The following DNTT variants were observed in gnomAD, a reference collection of about 807,000 sequenced individuals.
DNTT encodes the protein DNA nucleotidylexotransferase.
Under a neutral mutation model 60.9 loss-of-function variants are expected in DNTT, and 47 were observed. The observed-to-expected ratio is 0.77, with a 90% CI of 0.61 to 0.98. DNTT has a LOEUF of 0.98. Among genes scored for constraint, DNTT ranks in the 50% least tolerant of loss-of-function variants. The pLI is 0.00. For missense variants in DNTT, 665 were observed against 627.5 expected, an observed-to-expected ratio of 1.06 and a Z score of -0.64; for synonymous variants, 224 against 221.2, an observed-to-expected ratio of 1.01 and a Z score of -0.11.
At chr10:96,332,823 A>G (rs1456101458) in intron 9 of DNTT, among the ~76,000 whole-genome samples, 1 of 152,166 alleles carries the variant, frequency 6.6e-6, no homozygotes, top group African/African-American at 2.4e-5. Flanking sequence ...AGCAGCAGCA[A>G]CCTTACCCAG....
At chr10:96,324,488 G>T in intron 6 of DNTT, 99 bp downstream of exon 6, 1 of 1,530,242 alleles carries the variant, frequency 6.5e-7, no homozygotes, top group Non-Finnish European at 8.9e-7. Context: ...GGGAGAGCTG[G>T]GACACTTCTT....
At chr10:96,326,837 T>C (rs899012358) in intron 6 of DNTT, among the ~76,000 whole-genome samples, 12 of 152,176 alleles carry the variant, frequency 7.9e-5, no homozygotes, top group Non-Finnish European at 1.6e-4. Flanking sequence ...TCCTCACCAA[T>C]ACTTCACCCC....
chr10:96,306,732 G>T (rs1844643181), intron 1 of DNTT: 1 of 152,232 alleles, frequency 6.6e-6, no homozygotes, highest in East Asian at 1.9e-4. Flanking sequence ...AAGCTCACTG[G>T]TGCATGGTGA....
At chr10:96,328,355 A>G (rs1350223560) in intron 7 of DNTT, among the ~76,000 whole-genome samples, 7 of 152,234 alleles carry the variant, frequency 4.6e-5, no homozygotes, top group African/African-American at 9.6e-5. Flanking sequence ...ACTCCATGTC[A>G]TAATTCCAAG....
In DNTT at chr10:96,328,768, C is replaced by T. The variant is rs758582691; in HGVS notation, c.1051C>T (p.Pro351Ser). 1 of 1,613,372 alleles carries T rather than the reference C, an allele frequency of 6.2e-7. No individual in the cohort carries two copies. The highest frequency in any genetic ancestry group is 8.5e-7 in the Non-Finnish European group (1 of 1,179,718). The change falls in exon 8 of 11, where the codon CCA becomes TCA. Residue 351 changes from proline (P) to serine (S), a missense_variant. Transcript: ENST00000371174. ...GHDVDFLITS[P>S]GSTEDEEQLL... ...TGATGTAGATTTTTTAATTACCAGC[C>T]CAGGATCAACAGAGGATGAAGAGCA...
At chr10:96,321,489 G>A (rs1317512813) in intron 4 of DNTT, among the ~76,000 whole-genome samples, 7 of 152,046 alleles carry the variant, frequency 4.6e-5, no homozygotes, top group African/African-American at 9.7e-5. Flanking sequence ...GGAATGCTCC[G>A]GAAAGTCATA....
chr10:96,329,969 GCCT>G (rs1844987294), intron 8 of DNTT, among the ~76,000 whole-genome samples: 1 of 152,208 alleles, frequency 6.6e-6, no homozygotes, highest in African/African-American at 2.4e-5. Context: ...GTGGGGAAAT[GCCT>G]CCTCCTAGTC....
intron 10 of DNTT, among the ~76,000 whole-genome samples, chr10:96,336,885 C>T (rs1699711078): frequency 6.8e-6 from 1 of 147,938 alleles, no homozygotes; most frequent in South Asian, 2.1e-4. Flanking sequence ...CTGCAGTGAG[C>T]CGAGATCACA....
At chr10:96,312,329 A>T (rs557812727) in intron 1 of DNTT, among the ~76,000 whole-genome samples, 2 of 152,324 alleles carry the variant, frequency 1.3e-5, no homozygotes, top group South Asian at 4.1e-4. Context: ...CGTCCTTTGC[A>T]TCTGAGAGTG....
chr10:96,338,399 G>T lies in DNTT; in HGVS notation c.*175G>T. The T allele has an allele frequency of 1.8e-6, 1 of 546,436 alleles. No individual in the cohort carries two copies. The allele number at this position is 546,436 out of a possible 1,614,324, so 33.8% of individuals were successfully genotyped here. On this transcript the variant is annotated 3_prime_UTR_variant, in exon 11 of 11. Transcript: ENST00000371174. ...GGAAGGTGCCACTGGTAATGGGTAA[G>T]GTTCTAATAGGCCATGTTTATGACT...
rs969903193 is a variant in DNTT at position 96,338,375 on chromosome 10, G to C, written c.*151G>C. On this transcript the variant is annotated 3_prime_UTR_variant, in exon 11 of 11. Transcript: ENST00000371174. ...GAAATAAATAACTTTGGAAACATGGGAAGGTGCCACTGGTAATGGGTAAGG... is the reference window on the plus strand; with the variant it reads ...GAAATAAATAACTTTGGAAACATGGCAAGGTGCCACTGGTAATGGGTAAGG... 2 of 654,280 alleles carry C rather than the reference G, an allele frequency of 3.1e-6. No homozygotes were observed. The highest frequency in any genetic ancestry group is 5.0e-6 in the Non-Finnish European group (2 of 397,898). The allele number at this position is 654,280 out of a possible 1,614,324, so 40.5% of individuals were successfully genotyped here.
chr10:96,323,991 G>A (rs556753518), intron 5 of DNTT, among the ~76,000 whole-genome samples: 3 of 152,280 alleles, frequency 2.0e-5, no homozygotes, highest in South Asian at 2.1e-4. Context: ...CAGGCAGGCC[G>A]TCAATTAGAC....
At chr10:96,323,134 A>G (rs1207422646) in intron 5 of DNTT, among the ~76,000 whole-genome samples, 1 of 152,130 alleles carries the variant, frequency 6.6e-6, no homozygotes, top group Non-Finnish European at 1.5e-5. Flanking sequence ...AAACCCCATC[A>G]TTTTACAAAA....
At chr10:96,323,383 A>G (rs1844902935) in intron 5 of DNTT, among the ~76,000 whole-genome samples, 2 of 152,122 alleles carry the variant, frequency 1.3e-5, no homozygotes, top group South Asian at 4.2e-4. Context: ...ATACGGTCAT[A>G]CTGGGGATTA....
At chr10:96,321,655 A>T (rs1844881730) in intron 4 of DNTT, among the ~76,000 whole-genome samples, 1 of 152,096 alleles carries the variant, frequency 6.6e-6, no homozygotes, top group African/African-American at 2.4e-5. Flanking sequence ...TTATAGGGTG[A>T]CAACTGCCAG....
chr10:96,335,616 A>G (rs972789556), intron 9 of DNTT, among the ~76,000 whole-genome samples: 1 of 152,222 alleles, frequency 6.6e-6, no homozygotes, highest in Non-Finnish European at 1.5e-5. Flanking sequence ...TATTCATTCA[A>G]TAAAACATTT....
At chr10:96,337,243 C>A (rs778724094) in intron 10 of DNTT, among the ~76,000 whole-genome samples, 1 of 152,184 alleles carries the variant, frequency 6.6e-6, no homozygotes, top group Non-Finnish European at 1.5e-5. Context: ...CCCCAAGAAT[C>A]CTACCTGATG....
intron 8 of DNTT, 94 bp from the exon 9 acceptor site, chr10:96,332,257 C>T: frequency 7.8e-6 from 12 of 1,534,032 alleles, no homozygotes; most frequent in Non-Finnish European, 1.1e-5. Context: ...CCATGTTCTG[C>T]TCGAATCTGA....
intron 3 of DNTT, 73 bp downstream of exon 3, chr10:96,319,463 A>G: frequency 6.3e-7 from 1 of 1,587,792 alleles, no homozygotes; most frequent in Non-Finnish European, 8.6e-7. Flanking sequence ...CGCAAATTAA[A>G]TTATAAATTT....
Sources: allele counts gnomAD v4.1 joint callset (sites outside exome capture counted in the v4.1 genomes callset), GRCh38; gene constraint gnomAD v4.1.1; transcripts MANE v1.5; gene names NCBI Gene and HGNC (gene_info 2026-07-23, HGNC 2026-07-21).